Variants in ASPRV1 observed in about 807,000 individuals in gnomAD.
ASPRV1 encodes aspartic peptidase retroviral like 1.
ASPRV1 carries 7 observed loss-of-function variants against 11.0 expected under a neutral mutation model. The observed-to-expected ratio is 0.64, with a 90% confidence interval of 0.36 to 1.20. The LOEUF is 1.20. Ranked by LOEUF, ASPRV1 falls within the 50% of genes most tolerant of loss-of-function variation. The pLI is 0.02. For synonymous variants in ASPRV1, 136 were observed against 138.4 expected (o/e 0.98, Z 0.12); for missense variants, 299 against 320.0 (o/e 0.93, Z 0.50).
chr2:69,990,495 G>A, the ASPRV1 span, among the ~76,000 whole-genome samples: 2 of 151,964 alleles, frequency 1.3e-5, no homozygotes, highest in African/African-American at 4.8e-5. Flanking sequence ...GTTCATTTAT[G>A]TAGACAGGGT....
At chr2:70,029,080 T>C in the ASPRV1 span, among the ~76,000 whole-genome samples, 1 of 151,898 alleles carries the variant, frequency 6.6e-6, no homozygotes, top group Admixed American at 6.6e-5. Context: ...GAGTAGGGGG[T>C]AGGGGACTGG....
At chr2:70,062,797 T>A in the ASPRV1 span, among the ~76,000 whole-genome samples, 1 of 152,146 alleles carries the variant, frequency 6.6e-6, no homozygotes, top group Admixed American at 6.5e-5. Context: ...CGAGACCTTG[T>A]CTCTAGAAAG....
chr2:70,082,753 C>T, the ASPRV1 span, among the ~76,000 whole-genome samples: 1 of 151,976 alleles, frequency 6.6e-6, no homozygotes, highest in East Asian at 1.9e-4. Context: ...AATCAGCCGG[C>T]ATGGTGGGCA....
the ASPRV1 span, among the ~76,000 whole-genome samples, chr2:70,029,332 T>TAAAAAC: frequency 0.013 from 1,957 of 151,940 alleles, 46 homozygotes; most frequent in African/African-American, 0.045. Flanking sequence ...ACATTGGCAA[T>TAAAAAC]AAAAACAAAA....
chr2:70,078,346 GC>G, the ASPRV1 span, among the ~76,000 whole-genome samples: 1 of 152,106 alleles, frequency 6.6e-6, no homozygotes, highest in African/African-American at 2.4e-5. Flanking sequence ...CAAGCAGACA[GC>G]ACTCAATAAA....
At chr2:70,079,222 ATG>A in the ASPRV1 span, among the ~76,000 whole-genome samples, 1 of 152,144 alleles carries the variant, frequency 6.6e-6, no homozygotes, top group Non-Finnish European at 1.5e-5. Context: ...CAAGCTAATA[ATG>A]TAAACTCATG....
chr2:69,937,700 C>T, the ASPRV1 span, among the ~76,000 whole-genome samples: 5 of 152,126 alleles, frequency 3.3e-5, no homozygotes, highest in East Asian at 3.9e-4. Context: ...CTGCAACCTC[C>T]GCCTCCCGGG....
the ASPRV1 span, among the ~76,000 whole-genome samples, chr2:70,048,197 C>T: frequency 5.4e-5 from 8 of 149,008 alleles, no homozygotes; most frequent in Non-Finnish European, 8.9e-5. Flanking sequence ...GGGCAGATCA[C>T]GAGGTCAGGA....
chr2:70,007,455 T>C, the ASPRV1 span, among the ~76,000 whole-genome samples: 6 of 152,134 alleles, frequency 3.9e-5, no homozygotes, highest in Non-Finnish European at 8.8e-5. Flanking sequence ...GAGGCGCAGG[T>C]TGTGGTAAGC....
chr2:69,978,474 C>T, the ASPRV1 span, among the ~76,000 whole-genome samples: 15 of 152,168 alleles, frequency 9.9e-5, no homozygotes, highest in African/African-American at 3.1e-4. Context: ...AAAATGAAAA[C>T]GACAGGCCCA....
chr2:70,021,766 G>A, the ASPRV1 span, among the ~76,000 whole-genome samples: 1 of 151,588 alleles, frequency 6.6e-6, no homozygotes, highest in Non-Finnish European at 1.5e-5. Flanking sequence ...GAGGTGGCAC[G>A]ATCTCGGCTC....
the ASPRV1 span, among the ~76,000 whole-genome samples, chr2:70,025,255 T>A: frequency 8.9e-4 from 136 of 152,222 alleles, no homozygotes; most frequent in African/African-American, 3.2e-3. Flanking sequence ...GAAAGAGTGA[T>A]CTCCTTCAGG....
At chr2:70,028,099 A>G in the ASPRV1 span, among the ~76,000 whole-genome samples, 5 of 152,136 alleles carry the variant, frequency 3.3e-5, no homozygotes, top group African/African-American at 7.2e-5. Flanking sequence ...CCTAAAACCC[A>G]TAATTAGAAC....
At chr2:70,070,179 C>CAAAAAAAA in the ASPRV1 span, 6 of 47,134 alleles carry the variant, frequency 1.3e-4, no homozygotes, top group Non-Finnish European at 2.0e-4. Flanking sequence ...GACTCCATCT[C>CAAAAAAAA]AAAAAAAAAA....
At chr2:69,974,970 T>C in the ASPRV1 span, among the ~76,000 whole-genome samples, 1 of 152,138 alleles carries the variant, frequency 6.6e-6, no homozygotes, top group Non-Finnish European at 1.5e-5. Context: ...TGCAACAAGC[T>C]GTGTCTGACA....
chr2:70,054,500 C>T, the ASPRV1 span, among the ~76,000 whole-genome samples: 1 of 151,570 alleles, frequency 6.6e-6, no homozygotes, highest in Non-Finnish European at 1.5e-5. Flanking sequence ...TTGTGTGAAC[C>T]CGGGAGGCGG....
the ASPRV1 span, among the ~76,000 whole-genome samples, chr2:69,952,946 G>A: frequency 6.6e-6 from 1 of 152,156 alleles, no homozygotes; most frequent in East Asian, 1.9e-4. Context: ...TAGCCCTTCA[G>A]CCCGTACCAG....
chr2:70,045,943 G>A, the ASPRV1 span: 5 of 152,156 alleles, frequency 3.3e-5, no homozygotes, highest in Admixed American at 3.3e-4. Flanking sequence ...TCAAATGAGA[G>A]GCAGGACGTG....
chr2:69,934,336 A>G, the ASPRV1 span, among the ~76,000 whole-genome samples: 1 of 152,236 alleles, frequency 6.6e-6, no homozygotes, highest in Non-Finnish European at 1.5e-5. Flanking sequence ...TTACATTCAT[A>G]GAATTTTCCA....
Sources: gnomAD v4.1 joint callset for allele counts (sites outside exome capture counted in the v4.1 genomes callset) on GRCh38, gnomAD v4.1.1 for gene constraint, MANE v1.5 for transcripts, NCBI Gene and HGNC (gene_info 2026-07-23, HGNC 2026-07-21) for gene names.